The following PHACTR3 variants were observed in gnomAD, a reference collection of about 807,000 sequenced individuals.
PHACTR3 encodes protein phosphatase 1, regulatory subunit 123.
In PHACTR3, 16 loss-of-function variants were observed where a neutral mutation model predicts 66.8. The observed-to-expected ratio is 0.24, with a 90% CI of 0.16 to 0.36. The LOEUF is 0.36. Ranked by LOEUF, PHACTR3 falls within the 10% of genes least tolerant of loss-of-function variation. PHACTR3 has a pLI of 1.00. For missense variants in PHACTR3, 647 were observed against 719.9 expected (o/e 0.90, Z 1.16); for synonymous variants, 323 against 292.1 (o/e 1.11, Z -1.08).
chr20:59,627,297 G>A (rs1180954800), intron 1 of PHACTR3, among the ~76,000 whole-genome samples: 1 of 152,114 alleles, frequency 6.6e-6, no homozygotes, highest in Non-Finnish European at 1.5e-5. Flanking sequence ...TCTGCTTCCT[G>A]AGATACCTCC....
At chr20:59,644,456 C>T (rs535716200) in intron 1 of PHACTR3, among the ~76,000 whole-genome samples, 5 of 152,274 alleles carry the variant, frequency 3.3e-5, no homozygotes, top group East Asian at 3.9e-4. Context: ...CTCCCTCATT[C>T]GCCTCCCCCA....
chr20:59,758,831 G>C (rs1314413587), intron 4 of PHACTR3, among the ~76,000 whole-genome samples: 1 of 152,138 alleles, frequency 6.6e-6, no homozygotes, highest in Non-Finnish European at 1.5e-5. Flanking sequence ...TAACCTTTCT[G>C]ATTATGTTTG....
At chr20:59,625,015 C>G (rs1350727375) in intron 1 of PHACTR3, among the ~76,000 whole-genome samples, 2 of 152,170 alleles carry the variant, frequency 1.3e-5, no homozygotes, top group Non-Finnish European at 2.9e-5. Flanking sequence ...TTCAGGCTGT[C>G]TTGCTGTGAC....
At chr20:59,612,705 A>G (rs2033893985) in intron 1 of PHACTR3, among the ~76,000 whole-genome samples, 1 of 152,220 alleles carries the variant, frequency 6.6e-6, no homozygotes, top group Non-Finnish European at 1.5e-5. Context: ...TTTAAGAGTG[A>G]CACTGGGAAT....
At chr20:59,787,040 A>G (rs1252439025) in intron 7 of PHACTR3, among the ~76,000 whole-genome samples, 4 of 152,168 alleles carry the variant, frequency 2.6e-5, no homozygotes, top group Non-Finnish European at 5.9e-5. Context: ...AATCATGCAG[A>G]GTGGAAGCAA....
At chr20:59,763,245 A>G (rs2040061296) in intron 4 of PHACTR3, among the ~76,000 whole-genome samples, 1 of 152,190 alleles carries the variant, frequency 6.6e-6, no homozygotes, top group Non-Finnish European at 1.5e-5. Flanking sequence ...GAAGGTGCTT[A>G]CTTCTCCTTT....
chr20:59,842,540 C>T (rs1419248344), intron 11 of PHACTR3, among the ~76,000 whole-genome samples: 3 of 152,112 alleles, frequency 2.0e-5, no homozygotes, highest in Admixed American at 1.3e-4. Context: ...TAAAGACTTT[C>T]CTTGTCCCAG....
intron 1 of PHACTR3, among the ~76,000 whole-genome samples, chr20:59,581,607 C>T (rs776520064): frequency 7.2e-5 from 11 of 152,198 alleles, no homozygotes; most frequent in African/African-American, 1.2e-4. Flanking sequence ...CTAGGCTGGA[C>T]GTGGTGGCTC....
In PHACTR3 at chr20:59,632,788, A is replaced by T. The variant is rs558029187; in HGVS notation, c.118+27656A>T. ...TGCCCAGGCTGGAATGCAAATGCCC[A>T]CCTACTTCCCCTCACATCACTCTCC... is the stretch of plus-strand genomic sequence containing the variant. On this transcript the variant is annotated intron_variant, in intron 1 of 12. Transcript: ENST00000371015. 3.9e-5 allele frequency among the ~76,000 whole-genome samples: 6 copies of T among 152,324 alleles called. No individual in the cohort carries two copies. In the South Asian group the frequency reaches 1.2e-3, roughly 32 times the overall value.
At chr20:59,788,660 C>T (rs1160883318) in intron 7 of PHACTR3, among the ~76,000 whole-genome samples, 1 of 152,218 alleles carries the variant, frequency 6.6e-6, no homozygotes, top group Non-Finnish European at 1.5e-5. Flanking sequence ...GGCTCCAGCT[C>T]TTTCTGATGC....
chr20:59,777,105 G>C (rs2040565658), intron 7 of PHACTR3, among the ~76,000 whole-genome samples: 1 of 152,158 alleles, frequency 6.6e-6, no homozygotes, highest in South Asian at 2.1e-4. Flanking sequence ...GTTTCTGGTG[G>C]TTCCTGCATT....
At chr20:59,729,308 C>T (rs887398220) in intron 1 of PHACTR3, among the ~76,000 whole-genome samples, 2 of 152,130 alleles carry the variant, frequency 1.3e-5, no homozygotes, top group Admixed American at 6.5e-5. Context: ...GCTGTCCCCG[C>T]TCCCAGGCCT....
At chr20:59,718,911 C>T (rs539949773) in intron 1 of PHACTR3, among the ~76,000 whole-genome samples, 1 of 152,236 alleles carries the variant, frequency 6.6e-6, no homozygotes, top group Non-Finnish European at 1.5e-5. Context: ...CGTGTTGTCA[C>T]CAGAAAGCGT....
At chr20:59,754,225 G>T (rs1487698138) in intron 3 of PHACTR3, among the ~76,000 whole-genome samples, 1 of 152,148 alleles carries the variant, frequency 6.6e-6, no homozygotes, top group African/African-American at 2.4e-5. Flanking sequence ...CAGCATTAAG[G>T]TGCAAACCCA....
intron 8 of PHACTR3, among the ~76,000 whole-genome samples, chr20:59,831,683 C>T (rs552989220): frequency 6.6e-6 from 1 of 152,170 alleles, no homozygotes; most frequent in South Asian, 2.1e-4. Flanking sequence ...TATGCTCCGG[C>T]CACGTCTCTA....
At chr20:59,582,735 C>A (rs6128633) in intron 1 of PHACTR3, among the ~76,000 whole-genome samples, 1 of 151,840 alleles carries the variant, frequency 6.6e-6, no homozygotes, top group Admixed American at 6.6e-5. Flanking sequence ...TCTTCATTTA[C>A]TTTTTGCCCT....
chr20:59,681,561 G>A lies in PHACTR3; in HGVS notation c.119-61546G>A, dbSNP rs974931544. Among the ~76,000 whole-genome samples the A allele has an allele frequency of 3.3e-5, 5 of 152,350 alleles. No individual in the cohort carries two copies. The South Asian group carries it at 1.0e-3, about 32-fold the overall frequency. On this transcript the variant is annotated intron_variant, in intron 1 of 12. Transcript: ENST00000371015. ...ACAAATCAATAAAAGCATTAACAAA[G>A]TGTCCCATATATTCAAGAGCCAAAC...
Position 59,605,756 on chromosome 20 carries a change from G to C in PHACTR3, c.118+624G>C, listed in dbSNP as rs149827824. On this transcript the variant is annotated intron_variant, in intron 1 of 12. Coordinates refer to ENST00000371015, the MANE Select transcript of PHACTR3 (RefSeq NM_080672.5). ...CGTCCACTCTTCCACCCCCATGGCA[G>C]CGTTGATTGTTTAGGTGATAAACCG... Among the ~76,000 whole-genome samples the C allele has an allele frequency of 9.4e-3, 1,430 of 151,656 alleles. 18 individuals carry two copies. Among genetic ancestry groups the C allele is most frequent in the Middle Eastern group, 0.017 (5 of 294 alleles).
intron 3 of PHACTR3, among the ~76,000 whole-genome samples, chr20:59,752,521 T>C (rs2039631014): frequency 9.6e-6 from 1 of 104,394 alleles, no homozygotes; most frequent in Non-Finnish European, 2.2e-5. Flanking sequence ...TCACTGAACA[T>C]GATTATGAGC....
Sources: allele counts gnomAD v4.1 joint callset (sites outside exome capture counted in the v4.1 genomes callset), GRCh38; gene constraint gnomAD v4.1.1; transcripts MANE v1.5; gene names NCBI Gene and HGNC (gene_info 2026-07-23, HGNC 2026-07-21).